CSMD1: variants seen among roughly 807,000 people sequenced by gnomAD.
CSMD1 encodes the protein CUB and sushi domain-containing protein 1.
A neutral mutation model predicts 417.5 loss-of-function variants in CSMD1; 213 were observed. The ratio of observed to expected loss-of-function variants is 0.51; its 90% CI spans 0.46 to 0.57. The LOEUF (loss-of-function observed/expected upper bound fraction) is 0.57. Among genes scored for constraint, CSMD1 ranks in the 20% least tolerant of loss-of-function variants. The pLI is 0.00. For missense variants in CSMD1, 6,923 were observed against 4,529.7 expected, an observed-to-expected ratio of 1.53 and a Z score of -15.17; for synonymous variants, 2,862 against 1,736.8, an observed-to-expected ratio of 1.65 and a Z score of -16.11.
At chr8:3,510,489 G>C (rs1008812539) in intron 10 of CSMD1, among the ~76,000 whole-genome samples, 2 of 151,848 alleles carry the variant, frequency 1.3e-5, no homozygotes, top group Non-Finnish European at 2.9e-5. Context: ...CAGGGTCTCT[G>C]AAAATGAGGT....
At chr8:4,625,331 T>C (rs540392953) in intron 2 of CSMD1, among the ~76,000 whole-genome samples, 25 of 152,188 alleles carry the variant, frequency 1.6e-4, no homozygotes, top group Admixed American at 1.6e-3. Context: ...AAAGTCTCAA[T>C]AGAGGGTCAA....
At chr8:4,163,624 ACTAT>A (rs1325269122) in intron 3 of CSMD1, among the ~76,000 whole-genome samples, 3 of 152,274 alleles carry the variant, frequency 2.0e-5, no homozygotes, top group Non-Finnish European at 2.9e-5. Context: ...AACTCTGTTG[ACTAT>A]CTACATATGG....
intron 1 of CSMD1, among the ~76,000 whole-genome samples, chr8:4,716,107 G>C (rs1347559232): frequency 1.3e-5 from 2 of 152,158 alleles, no homozygotes; most frequent in Non-Finnish European, 2.9e-5. Flanking sequence ...TCTTAGTCGG[G>C]AGACTCACAG....
intron 3 of CSMD1, among the ~76,000 whole-genome samples, chr8:4,392,688 G>C (rs1470521544): frequency 6.6e-6 from 1 of 151,686 alleles, no homozygotes; most frequent in Non-Finnish European, 1.5e-5. Context: ...ATGGACTGTG[G>C]GCTGGGCACA....
At chr8:4,055,087 T>C (rs1304100163) in intron 3 of CSMD1, among the ~76,000 whole-genome samples, 1 of 152,292 alleles carries the variant, frequency 6.6e-6, no homozygotes, top group East Asian at 1.9e-4. Flanking sequence ...CATGAGATTA[T>C]TAGTAACACA....
At chr8:3,362,400 T>C (rs62503462) in intron 20 of CSMD1, among the ~76,000 whole-genome samples, 7,100 of 152,262 alleles carry the variant, frequency 0.047, 201 homozygotes, top group Middle Eastern at 0.092. Context: ...GGTCAATTCT[T>C]AGGCTTCCTC....
At position 4,618,628 on chromosome 8, in the gene CSMD1, G is replaced by T. The variant is rs117843786; in HGVS notation, c.302+18714C>A. ...TTTTTCTGAGCTTCAGATCTGAAAT[G>T]AATGCCTTGGGAAACCGTTAAATTA... On this transcript the variant is annotated intron_variant, in intron 2 of 69. Transcript: ENST00000635120. Among the ~76,000 whole-genome samples, 278 of 152,198 alleles carry T rather than the reference G, an allele frequency of 1.8e-3. 5 individuals carry two copies. In the East Asian group the frequency reaches 0.026, roughly 14 times the overall value.
intron 54 of CSMD1, among the ~76,000 whole-genome samples, chr8:2,994,145 C>CAAAAAAAAAAAAAAAAAAAAAAAAA (rs35438493): frequency 6.6e-5 from 2 of 30,516 alleles, no homozygotes; most frequent in African/African-American, 2.4e-4. Flanking sequence ...AACTCCATCT[C>CAAAAAAAAAAAAAAAAAAAAAAAAA]AAAAAAAAAA....
At chr8:3,148,584 G>C (rs1454837899) in intron 40 of CSMD1, among the ~76,000 whole-genome samples, 1 of 152,174 alleles carries the variant, frequency 6.6e-6, no homozygotes, top group Non-Finnish European at 1.5e-5. Context: ...TTACAAGGGA[G>C]AAGACGCAGA....
chr8:4,151,936 T>A (rs937881191), intron 3 of CSMD1, among the ~76,000 whole-genome samples: 4 of 152,192 alleles, frequency 2.6e-5, no homozygotes, highest in African/African-American at 9.6e-5. Flanking sequence ...AAGTTTTGCC[T>A]GCATAAAATC....
intron 5 of CSMD1, among the ~76,000 whole-genome samples, chr8:3,870,077 T>C (rs570770477): frequency 6.6e-6 from 1 of 152,184 alleles, no homozygotes; most frequent in South Asian, 2.1e-4. Flanking sequence ...CTGGGTATAA[T>C]GATTATTAAG....
chr8:4,147,798 C>A (rs765914947), intron 3 of CSMD1, among the ~76,000 whole-genome samples: 1 of 152,050 alleles, frequency 6.6e-6, no homozygotes, highest in Non-Finnish European at 1.5e-5. Context: ...CCCAATGTGC[C>A]GACTCCAAAG....
At chr8:4,497,319 C>A (rs1419396937) in intron 2 of CSMD1, among the ~76,000 whole-genome samples, 6 of 152,208 alleles carry the variant, frequency 3.9e-5, no homozygotes, top group African/African-American at 1.4e-4. Flanking sequence ...GATTATCTCT[C>A]ACTTGACAAA....
rs547244222 is a variant in CSMD1, at chr8:4,633,066, G to C, written c.302+4276C>G. ...TTGCCGGAGATAGAAGCCAGGGCTA[G>C]GACAGCAGCAGATGTGTCAGTGTTC... On this transcript the variant is annotated intron_variant, in intron 2 of 69. Coordinates refer to ENST00000635120, the MANE Select transcript of CSMD1 (RefSeq NM_033225.6). 3.3e-5 allele frequency among the ~76,000 whole-genome samples: 5 copies of C among 152,248 alleles called. No homozygotes were observed. The South Asian group carries it at 1.0e-3, about 32-fold the overall frequency.
At chr8:4,840,272 T>A (rs1800765465) in intron 1 of CSMD1, among the ~76,000 whole-genome samples, 1 of 68,548 alleles carries the variant, frequency 1.5e-5, no homozygotes, top group Non-Finnish European at 3.5e-5. Context: ...AAAGTATTCC[T>A]GCTTTAAGAT....
intron 6 of CSMD1, among the ~76,000 whole-genome samples, chr8:3,750,846 G>A (rs897446046): frequency 6.6e-6 from 1 of 152,154 alleles, no homozygotes; most frequent in Admixed American, 6.5e-5. Context: ...ATCAGCAACA[G>A]CAACCATACT....
At chr8:4,202,344 T>C (rs1799706687) in intron 3 of CSMD1, among the ~76,000 whole-genome samples, 1 of 152,212 alleles carries the variant, frequency 6.6e-6, no homozygotes, top group Non-Finnish European at 1.5e-5. Context: ...ATATGGCATT[T>C]TAATGTCTTC....
intron 26 of CSMD1, among the ~76,000 whole-genome samples, chr8:3,276,270 T>C (rs545483060): frequency 1.3e-5 from 2 of 152,260 alleles, no homozygotes; most frequent in East Asian, 3.9e-4. Flanking sequence ...GAGGAGGCAG[T>C]CTTCCTGTTG....
chr8:4,003,236 A>C (rs1347204737), intron 4 of CSMD1, among the ~76,000 whole-genome samples: 1 of 152,028 alleles, frequency 6.6e-6, no homozygotes, highest in Non-Finnish European at 1.5e-5. Context: ...TACTAAAAAC[A>C]CATAAAAGTA....
Sources: allele counts gnomAD v4.1 joint callset (sites outside exome capture counted in the v4.1 genomes callset), GRCh38; gene constraint gnomAD v4.1.1; transcripts MANE v1.5; gene names NCBI Gene and HGNC (gene_info 2026-07-23, HGNC 2026-07-21).